RBMS3: variants seen among roughly 807,000 people sequenced by gnomAD.
The protein encoded by RBMS3 is RNA binding motif single stranded interacting protein 3, also known as RNA-binding motif, single-stranded-interacting protein 3.
A neutral mutation model predicts 66.8 loss-of-function variants in RBMS3; 27 were observed. That is an observed-to-expected ratio of 0.40 (90% CI 0.30 to 0.56). The LOEUF is 0.56. RBMS3 is among the 20% of genes least tolerant of loss of function. RBMS3 has a pLI of 0.40. For missense variants in RBMS3, 513 were observed against 549.5 expected, an observed-to-expected ratio of 0.93 and a Z score of 0.66; for synonymous variants, 188 against 183.0, an observed-to-expected ratio of 1.03 and a Z score of -0.22.
intron 10 of RBMS3, chr3:29,926,866 A>T (rs139876347): frequency 2.8e-4 from 43 of 152,336 alleles, no homozygotes; most frequent in Non-Finnish European, 5.0e-4. Context: ...TGAATAAAGC[A>T]TTTCTTATCA....
At chr3:29,902,103 G>A (rs1180899057) in intron 10 of RBMS3, among the ~76,000 whole-genome samples, 1 of 151,814 alleles carries the variant, frequency 6.6e-6, no homozygotes, top group East Asian at 1.9e-4. Context: ...ATGGATTCTT[G>A]GTTGAGCTCA....
intron 1 of RBMS3, among the ~76,000 whole-genome samples, chr3:29,415,703 G>C (rs1171007265): frequency 2.6e-5 from 4 of 152,160 alleles, no homozygotes; most frequent in African/African-American, 7.2e-5. Context: ...GGAAAAGGCA[G>C]ATGTGGGAGA....
intron 12 of RBMS3, among the ~76,000 whole-genome samples, chr3:29,985,551 T>C (rs1453605709): frequency 2.0e-5 from 3 of 152,266 alleles, no homozygotes; most frequent in African/African-American, 7.2e-5. Context: ...TGGGCCAGAA[T>C]GCATGTTCCT....
At chr3:29,868,612 T>C (rs1315239709) in intron 6 of RBMS3, among the ~76,000 whole-genome samples, 3 of 152,210 alleles carry the variant, frequency 2.0e-5, no homozygotes, top group Admixed American at 6.5e-5. Context: ...ATTCACATTC[T>C]GCTTCAACTG....
At chr3:29,880,692 T>C (rs2059715996) in intron 7 of RBMS3, 1 of 1,278,192 alleles carries the variant, frequency 7.8e-7, no homozygotes, top group Admixed American at 2.0e-5. Context: ...CAAACAACCC[T>C]TTGCTTAACC....
intron 6 of RBMS3, among the ~76,000 whole-genome samples, chr3:29,784,342 G>A (rs576865412): frequency 6.6e-5 from 10 of 152,206 alleles, no homozygotes; most frequent in African/African-American, 2.4e-4. Context: ...TATTCTCTCA[G>A]ACCACAGTGG....
intron 12 of RBMS3, among the ~76,000 whole-genome samples, chr3:29,976,431 C>T (rs913814221): frequency 1.3e-5 from 2 of 152,046 alleles, no homozygotes; most frequent in Non-Finnish European, 2.9e-5. Context: ...CAAATAGCCT[C>T]CTTTATATAC....
chr3:30,000,367 A>G (rs1291657092), intron 14 of RBMS3, among the ~76,000 whole-genome samples: 3 of 152,216 alleles, frequency 2.0e-5, no homozygotes, highest in African/African-American at 7.2e-5. Context: ...TAGAATGGCA[A>G]TCATTAAAAA....
intron 12 of RBMS3, among the ~76,000 whole-genome samples, chr3:29,983,482 A>G (rs1397629793): frequency 1.3e-5 from 2 of 152,118 alleles, no homozygotes; most frequent in African/African-American, 4.8e-5. Flanking sequence ...TATTTTGCCC[A>G]TTAGTTGATG....
intron 1 of RBMS3, among the ~76,000 whole-genome samples, chr3:29,327,208 TA>T (rs1469575794): frequency 6.6e-6 from 1 of 152,202 alleles, no homozygotes; most frequent in East Asian, 1.9e-4. Flanking sequence ...GGACATGATT[TA>T]GTTTTGAATG....
At chr3:29,953,552 G>T (rs375582878) in intron 12 of RBMS3, among the ~76,000 whole-genome samples, 1 of 151,882 alleles carries the variant, frequency 6.6e-6, no homozygotes, top group East Asian at 1.9e-4. Flanking sequence ...AATATTAAAT[G>T]TCCTTGGTGA....
intron 1 of RBMS3, among the ~76,000 whole-genome samples, chr3:29,315,330 C>T (rs868575585): frequency 4.0e-5 from 6 of 151,676 alleles, no homozygotes; most frequent in Middle Eastern, 3.4e-3. Flanking sequence ...ATGTAAGATT[C>T]GTATTGCAAA....
At chr3:29,880,786 G>C in intron 7 of RBMS3, 1 of 1,536,144 alleles carries the variant, frequency 6.5e-7, no homozygotes, top group Non-Finnish European at 8.7e-7. Flanking sequence ...AAGGTACTCA[G>C]AGGCAGGACT....
intron 3 of RBMS3, among the ~76,000 whole-genome samples, chr3:29,537,262 T>C (rs2045592754): frequency 2.6e-5 from 4 of 152,214 alleles, no homozygotes; most frequent in Admixed American, 2.6e-4. Flanking sequence ...TTGAAATGGT[T>C]TGTCAGGACT....
chr3:29,655,135 A>T (rs1373514752), intron 4 of RBMS3, among the ~76,000 whole-genome samples: 1 of 152,158 alleles, frequency 6.6e-6, no homozygotes, highest in Admixed American at 6.5e-5. Flanking sequence ...TCAAACGACC[A>T]AGGATTGTGG....
chr3:29,694,385 T>C (rs956697316), intron 4 of RBMS3, among the ~76,000 whole-genome samples: 1 of 152,222 alleles, frequency 6.6e-6, no homozygotes, highest in Non-Finnish European at 1.5e-5. Flanking sequence ...GAACATGTCC[T>C]ATTGTAGAAA....
intron 4 of RBMS3, among the ~76,000 whole-genome samples, chr3:29,668,920 C>A (rs77020314): frequency 0.033 from 5,021 of 152,280 alleles, 268 homozygotes; most frequent in African/African-American, 0.11. Flanking sequence ...TAGATCCCTG[C>A]CTGTAGTGGG....
At chr3:29,794,376 G>A (rs1293633776) in intron 6 of RBMS3, among the ~76,000 whole-genome samples, 1 of 152,034 alleles carries the variant, frequency 6.6e-6, no homozygotes, top group Non-Finnish European at 1.5e-5. Flanking sequence ...CATGAGGTCA[G>A]GAGATCGAGA....
At chr3:29,368,869 C>T (rs746147475) in intron 1 of RBMS3, among the ~76,000 whole-genome samples, 8 of 152,064 alleles carry the variant, frequency 5.3e-5, no homozygotes, top group Non-Finnish European at 1.2e-4. Context: ...TGCATATGTT[C>T]ATTGCAGCAC....
Sources: allele counts gnomAD v4.1 joint callset (sites outside exome capture counted in the v4.1 genomes callset), GRCh38; gene constraint gnomAD v4.1.1; transcripts MANE v1.5; gene names NCBI Gene and HGNC (gene_info 2026-07-23, HGNC 2026-07-21).